The following COL22A1 variants were observed in gnomAD, a reference collection of about 807,000 sequenced individuals.
COL22A1 encodes the protein collagen alpha-1(XXII) chain.
In COL22A1, 221 loss-of-function variants were observed where a neutral mutation model predicts 248.9. That is an observed-to-expected ratio of 0.89 (90% confidence interval 0.80 to 0.99). The LOEUF is 0.99. Ranked by LOEUF, COL22A1 falls within the 50% of genes least tolerant of loss-of-function variation. The probability of loss-of-function intolerance (pLI) is 0.00; values close to 1 mark genes in which losing one functional copy is unlikely to be tolerated. For missense variants in COL22A1, 2,240 were observed against 2,179.0 expected (o/e 1.03, Z -0.56); for synonymous variants, 891 against 793.4 (o/e 1.12, Z -2.07).
chr8:138,594,737 A>C (rs959118649), intron 62 of COL22A1, among the ~76,000 whole-genome samples: 1 of 152,228 alleles, frequency 6.6e-6, no homozygotes, highest in Non-Finnish European at 1.5e-5. Flanking sequence ...AAGCCATAGT[A>C]GCATGGACAG....
chr8:138,647,243 A>T (rs1208107252), intron 46 of COL22A1, among the ~76,000 whole-genome samples: 2 of 152,180 alleles, frequency 1.3e-5, no homozygotes, highest in Non-Finnish European at 2.9e-5. Context: ...GTGAACCTGG[A>T]TGGAAGGGGA....
intron 1 of COL22A1, among the ~76,000 whole-genome samples, chr8:138,896,834 G>T (rs573293736): frequency 7.2e-5 from 11 of 152,096 alleles, no homozygotes; most frequent in Non-Finnish European, 1.3e-4. Context: ...TTAGCTGAAC[G>T]TGGTGGTGAG....
Position 138,646,688 on chromosome 8 carries a change from T to A in COL22A1, c.3448-6A>T. ...CCTGGAGGCCCAGCCTCTCCCTGTA[T>A]CAGGGATACAAGAAAAAAAAAGAAA... On this transcript the variant is annotated splice_polypyrimidine_tract_variant and splice_region_variant and intron_variant, in intron 46 of 64. Transcript: ENST00000303045. 1.3e-6 allele frequency: 2 copies of A among 1,565,846 alleles called. No individual in the cohort carries two copies. Among genetic ancestry groups the A allele is most frequent in the Non-Finnish European group, 1.7e-6 (2 of 1,154,310 alleles).
In COL22A1 at chr8:138,844,074, T is replaced by A. The variant is rs773862036; in HGVS notation, c.733+10A>T. On this transcript the variant is annotated intron_variant, in intron 4 of 64. Transcript: ENST00000303045. ...AAAGCAAGCACACGTGGTTATTGTTTTTCCCTTACCTGTGATTTCCTTGGT... is the reference window on the plus strand; with the variant it reads ...AAAGCAAGCACACGTGGTTATTGTTATTCCCTTACCTGTGATTTCCTTGGT... 3.1e-6 allele frequency: 5 copies of A among 1,612,960 alleles called. No individual in the cohort carries two copies. The highest frequency in any genetic ancestry group is 4.2e-6 in the Non-Finnish European group (5 of 1,178,882).
At chr8:138,855,767 C>G (rs1158173239) in intron 3 of COL22A1, among the ~76,000 whole-genome samples, 1 of 152,228 alleles carries the variant, frequency 6.6e-6, no homozygotes, top group African/African-American at 2.4e-5. Context: ...AACACCAATT[C>G]CTTTTCTGGA....
At position 138,777,282 on chromosome 8, in the gene COL22A1, G is replaced by A. The variant is rs184851566; in HGVS notation, c.1758+1071C>T. Among the ~76,000 whole-genome samples the A allele has an allele frequency of 2.9e-3, 435 of 152,330 alleles. 2 individuals are homozygous for A. Among genetic ancestry groups the A allele is most frequent in the African/African-American group, 8.1e-3 (335 of 41,578 alleles). On this transcript the variant is annotated intron_variant, in intron 15 of 64. Coordinates refer to ENST00000303045, the MANE Select transcript of COL22A1 (RefSeq NM_152888.3). Reference sequence around the variant, plus strand: ...TACAGGGCCAAGGCCACAAGACGCCGTCCTAAAGAGCAGAGCATCTGCAGG... The same window carrying A: ...TACAGGGCCAAGGCCACAAGACGCCATCCTAAAGAGCAGAGCATCTGCAGG...
chr8:138,623,876 C>T (rs57299725), intron 51 of COL22A1, 91 bp from the exon 52 acceptor site: 66,612 of 1,121,280 alleles, frequency 0.059, 2,355 homozygotes, highest in African/African-American at 0.12. Flanking sequence ...TCCTGCCCAG[C>T]TTCCAGCAGT....
chr8:138,694,780 C>G (rs911367986), intron 33 of COL22A1, 46 bp downstream of exon 33: 1 of 1,605,296 alleles, frequency 6.2e-7, no homozygotes, highest in African/African-American at 1.3e-5. Flanking sequence ...GAGTCCGGGT[C>G]TCCAGGTAAC....
At chr8:138,660,839 GACACAC>G (rs776816939) in intron 43 of COL22A1, among the ~76,000 whole-genome samples, 1 of 89,602 alleles carries the variant, frequency 1.1e-5, no homozygotes, top group African/African-American at 3.6e-5. Flanking sequence ...TACACACACA[GACACAC>G]ACACACATAC....
At chr8:138,803,000 G>T in intron 10 of COL22A1, 66 bp from the exon 11 acceptor site, 2 of 1,270,638 alleles carry the variant, frequency 1.6e-6, no homozygotes, top group South Asian at 1.2e-5. Context: ...GCACACACAG[G>T]ACCCTCACGG....
At chr8:138,637,919 G>A (rs146569892) in intron 47 of COL22A1, among the ~76,000 whole-genome samples, 475 of 151,880 alleles carry the variant, frequency 3.1e-3, no homozygotes, top group African/African-American at 0.01. Context: ...ATCAACATCA[G>A]CACCACCAGA....
intron 29 of COL22A1, 37 bp downstream of exon 29, chr8:138,716,190 G>A: frequency 1.3e-6 from 2 of 1,523,196 alleles, no homozygotes; most frequent in East Asian, 2.4e-5. Context: ...AGATGGGCGA[G>A]GTTCCTGTGT....
rs375053741 is a variant in COL22A1 at position 138,878,123 on chromosome 8, A to G, written c.285T>C (p.Phe95=). The G allele has an allele frequency of 6.2e-7, 1 of 1,605,526 alleles. No individual in the cohort carries two copies. Among genetic ancestry groups the G allele is most frequent in the African/African-American group, 1.3e-5 (1 of 74,886 alleles). The change falls in exon 3 of 65, where the codon TTT becomes TTC. Residue 95 remains phenylalanine, a synonymous_variant. Transcript: ENST00000303045. ...RPTTAFELGL[F]GSQEEVKAAA... ...CCGCCTTGACCTCCTCCTGCGAGCC[A>G]AAGAGTCCCAACTCGAAGGCCGTGG... is the stretch of plus-strand genomic sequence containing the variant.
intron 30 of COL22A1, among the ~76,000 whole-genome samples, chr8:138,704,675 A>C (rs1828261402): frequency 6.6e-6 from 1 of 152,140 alleles, no homozygotes; most frequent in Admixed American, 6.5e-5. Context: ...ATGGGGAGAA[A>C]CCAGAGCAGA....
chr8:138,778,302 G>T, intron 15 of COL22A1, 51 bp downstream of exon 15: 2 of 1,609,568 alleles, frequency 1.2e-6, no homozygotes, highest in Non-Finnish European at 1.7e-6. Flanking sequence ...CCTGGTTTTT[G>T]ATTCCTGGAG....
intron 5 of COL22A1, among the ~76,000 whole-genome samples, chr8:138,828,402 G>A (rs1819765711): frequency 6.6e-6 from 1 of 152,048 alleles, no homozygotes; most frequent in African/African-American, 2.4e-5. Flanking sequence ...AAGGTTCGCT[G>A]GGGGGTGGGG....
chr8:138,782,738 T>C (rs1294628892), intron 12 of COL22A1, among the ~76,000 whole-genome samples: 1 of 152,078 alleles, frequency 6.6e-6, no homozygotes, highest in African/African-American at 2.4e-5. Flanking sequence ...GTTTGGTAAA[T>C]GAAAGTGTGC....
intron 26 of COL22A1, 111 bp downstream of exon 26, chr8:138,721,925 G>A: frequency 1.2e-6 from 1 of 863,126 alleles, no homozygotes; most frequent in Non-Finnish European, 1.9e-6. Context: ...ACTGAATCCT[G>A]ATCGAAGACC....
At chr8:138,767,650 G>T (rs979348465) in intron 16 of COL22A1, among the ~76,000 whole-genome samples, 1 of 152,190 alleles carries the variant, frequency 6.6e-6, no homozygotes, top group Non-Finnish European at 1.5e-5. Context: ...TCAAGCGATC[G>T]TATGGGATAT....
Sources: allele counts gnomAD v4.1 joint callset (sites outside exome capture counted in the v4.1 genomes callset), GRCh38; gene constraint gnomAD v4.1.1; transcripts MANE v1.5; gene names NCBI Gene and HGNC (gene_info 2026-07-23, HGNC 2026-07-21).